The following RGL1 variants were observed in gnomAD, a reference collection of about 807,000 sequenced individuals.
The protein encoded by RGL1 is ral guanine nucleotide dissociation stimulator-like 1.
RGL1 carries 24 observed loss-of-function variants against 95.2 expected under a neutral mutation model. The observed-to-expected ratio is 0.25, with a 90% CI of 0.18 to 0.35. RGL1 has a LOEUF of 0.35. Among genes scored for constraint, RGL1 ranks in the 10% least tolerant of loss-of-function variants. RGL1 has a pLI of 1.00. For missense variants in RGL1, 715 were observed against 936.3 expected (o/e 0.76, Z 3.08); for synonymous variants, 329 against 344.9 (o/e 0.95, Z 0.51).
intron 1 of RGL1, among the ~76,000 whole-genome samples, chr1:183,707,492 T>C (rs1654992615): frequency 1.3e-5 from 2 of 152,238 alleles, no homozygotes; most frequent in African/African-American, 4.8e-5. Flanking sequence ...GCGTGGGGCA[T>C]GGGCCAAAGA....
At chr1:183,820,660 T>C (rs900038113) in intron 2 of RGL1, among the ~76,000 whole-genome samples, 3 of 152,210 alleles carry the variant, frequency 2.0e-5, no homozygotes, top group African/African-American at 4.8e-5. Context: ...TATGTGCCTA[T>C]TGAGCACTTG....
At chr1:183,719,853 C>T (rs1213326035) in intron 1 of RGL1, among the ~76,000 whole-genome samples, 2 of 152,050 alleles carry the variant, frequency 1.3e-5, no homozygotes, top group African/African-American at 4.8e-5. Flanking sequence ...TTGCAGTGAG[C>T]CGGGATTGTG....
At chr1:183,666,554 T>C (rs955423414) in intron 1 of RGL1, among the ~76,000 whole-genome samples, 5 of 152,198 alleles carry the variant, frequency 3.3e-5, no homozygotes, top group South Asian at 2.1e-4. Flanking sequence ...GGTTTCACCA[T>C]GTTTCCCAGG....
chr1:183,730,382 C>T (rs1345685602), intron 1 of RGL1, among the ~76,000 whole-genome samples: 4 of 152,124 alleles, frequency 2.6e-5, no homozygotes, highest in African/African-American at 9.7e-5. Context: ...TGGTGTGTTT[C>T]GGCCACAGGT....
In RGL1 at chr1:183,884,885, C is replaced by A. The variant is rs186113354; in HGVS notation, c.898C>A (p.Leu300Ile). Reference protein sequence around the residue: ...VVSTILGGKELKTQQRAKIIE... With the variant: ...VVSTILGGKEIKTQQRAKIIE... ...CAGCACCATCCTGGGGGGCAAAGAACTCAAAACTCAGCAGAGAGCCAAAAT... is the reference window on the plus strand; with the variant it reads ...CAGCACCATCCTGGGGGGCAAAGAAATCAAAACTCAGCAGAGAGCCAAAAT... Residue 300 changes from leucine to isoleucine, a missense_variant, in exon 7 of 18, where the codon CTC (leucine) becomes ATC (isoleucine). This residue lies in a region of RGL1 where 381 missense variants were observed against 484.8 expected (regional missense o/e 0.79). Transcript: ENST00000360851. 1.2e-6 allele frequency: 2 copies of A among 1,614,146 alleles called. No homozygotes were observed. Among genetic ancestry groups the A allele is most frequent in the East Asian group, 4.5e-5 (2 of 44,872 alleles).
intron 1 of RGL1, among the ~76,000 whole-genome samples, chr1:183,643,690 A>G (rs1053393431): frequency 3.3e-5 from 5 of 152,090 alleles, no homozygotes; most frequent in African/African-American, 1.2e-4. Flanking sequence ...GGCTAAAACG[A>G]TACTCCCACC....
At position 183,904,923 on chromosome 1, in the gene RGL1, A is replaced by T. The variant is rs1392815153; in HGVS notation, c.1424A>T (p.Lys475Met). ...AGCTATTGCATGACCCCAGACCAAA[A>T]GTTCATCCAGTGGTTCCAGAGGCAG... ...CNSYCMTPDQ[K>M]FIQWFQRQQL... The change falls in exon 13 of 18, where the codon AAG becomes ATG. Residue 475 changes from lysine to methionine, a missense_variant. Lys to Met is a moderately conservative substitution (Grantham distance 95, BLOSUM62 -1). Around this residue, in one of 3 missense-constraint regions of RGL1, gnomAD observed 330 missense variants for 429.6 expected, o/e 0.77. Transcript: ENST00000360851. The T allele has an allele frequency of 1.9e-6, 3 of 1,613,862 alleles. No individual in the cohort carries two copies. The African/African-American group carries it at 4.0e-5, about 22-fold the overall frequency.
At chr1:183,796,743 T>C (rs917276242) in intron 2 of RGL1, among the ~76,000 whole-genome samples, 4 of 152,182 alleles carry the variant, frequency 2.6e-5, no homozygotes, top group Admixed American at 2.6e-4. Context: ...TTTAGCTAAT[T>C]GCCCAGTAAC....
chr1:183,776,876 A>G (rs1237732034), intron 2 of RGL1, among the ~76,000 whole-genome samples: 2 of 152,168 alleles, frequency 1.3e-5, no homozygotes. Flanking sequence ...CATTTTTTGT[A>G]CTAATGTTGT....
chr1:183,886,123 A>G (rs1667094700), intron 7 of RGL1, among the ~76,000 whole-genome samples: 1 of 152,138 alleles, frequency 6.6e-6, no homozygotes, highest in Non-Finnish European at 1.5e-5. Context: ...CCCTATTGAT[A>G]GGGCATAATG....
chr1:183,670,116 C>T (rs1652341144), intron 1 of RGL1, among the ~76,000 whole-genome samples: 1 of 152,170 alleles, frequency 6.6e-6, no homozygotes, highest in African/African-American at 2.4e-5. Flanking sequence ...TTGTGAACTT[C>T]ATCACTGTTT....
At chr1:183,707,938 G>C (rs1655019850) in intron 1 of RGL1, among the ~76,000 whole-genome samples, 1 of 152,128 alleles carries the variant, frequency 6.6e-6, no homozygotes, top group Non-Finnish European at 1.5e-5. Context: ...ATTTGAACAG[G>C]TGAGCAAGAA....
chr1:183,883,374 G>A (rs940486597), intron 5 of RGL1, among the ~76,000 whole-genome samples: 19 of 152,204 alleles, frequency 1.2e-4, no homozygotes, highest in Non-Finnish European at 1.6e-4. Context: ...CCTTCATGGC[G>A]AGTCCTTCCA....
At chr1:183,894,740 G>A (rs1353516325) in intron 9 of RGL1, among the ~76,000 whole-genome samples, 1 of 151,780 alleles carries the variant, frequency 6.6e-6, no homozygotes, top group African/African-American at 2.4e-5. Context: ...TTTTTCTCAG[G>A]CTGGTCTCAA....
intron 6 of RGL1, among the ~76,000 whole-genome samples, 177 bp from the exon 7 acceptor site, chr1:183,884,546 G>A (rs768406914): frequency 3.3e-5 from 5 of 152,106 alleles, no homozygotes; most frequent in South Asian, 2.1e-4. Context: ...GAACATTATC[G>A]ATGAGTATAT....
At chr1:183,874,459 T>G (rs914703284) in intron 4 of RGL1, among the ~76,000 whole-genome samples, 2 of 152,164 alleles carry the variant, frequency 1.3e-5, no homozygotes, top group Non-Finnish European at 2.9e-5. Flanking sequence ...TTACTGTCTT[T>G]CTGTATGTCT....
At chr1:183,736,478 G>A (rs1656947096) in intron 1 of RGL1, among the ~76,000 whole-genome samples, 1 of 152,210 alleles carries the variant, frequency 6.6e-6, no homozygotes, top group African/African-American at 2.4e-5. Context: ...TTTAACTCAG[G>A]TCTTGTGACT....
intron 17 of RGL1, among the ~76,000 whole-genome samples, chr1:183,922,537 C>A (rs1194265808): frequency 6.6e-6 from 1 of 152,226 alleles, no homozygotes; most frequent in Non-Finnish European, 1.5e-5. Flanking sequence ...CTCTCCGATT[C>A]CCCAGCTCTT....
At chr1:183,666,980 G>C (rs926802588) in intron 1 of RGL1, among the ~76,000 whole-genome samples, 2 of 152,142 alleles carry the variant, frequency 1.3e-5, no homozygotes, top group Non-Finnish European at 2.9e-5. Flanking sequence ...TTAATCTTTT[G>C]CCTTGAAGTT....
Sources: gnomAD v4.1 joint callset for allele counts (sites outside exome capture counted in the v4.1 genomes callset) on GRCh38, gnomAD v4.1.1 for gene constraint, gnomAD v4.1.1 regional missense constraint, MANE v1.5 for transcripts, NCBI Gene and HGNC (gene_info 2026-07-23, HGNC 2026-07-21) for gene names.